The following RB1 variants were observed in gnomAD, a reference collection of about 807,000 sequenced individuals.
RB1 encodes retinoblastoma-associated protein.
RB1 carries 18 observed loss-of-function variants against 135.4 expected under a neutral mutation model. That is an observed-to-expected ratio of 0.13 (90% CI 0.09 to 0.20). RB1 has a LOEUF of 0.20. RB1 is among the 10% of genes least tolerant of loss of function. The pLI, the probability that RB1 is intolerant of heterozygous loss-of-function variation, is 1.00. For missense variants in RB1, 868 were observed against 1,110.0 expected (o/e 0.78, Z 3.10); for synonymous variants, 365 against 373.2 (o/e 0.98, Z 0.25).
chr13:48,411,433 G>A, intron 17 of RB1: 1 of 1,613,178 alleles, frequency 6.2e-7, no homozygotes, highest in South Asian at 1.1e-5. Context: ...TTTAAGGTCT[G>A]TAGGTTATGC....
intron 20 of RB1, among the ~76,000 whole-genome samples, chr13:48,462,184 C>A (rs1949410256): frequency 6.6e-6 from 1 of 151,560 alleles, no homozygotes; most frequent in African/African-American, 2.4e-5. Flanking sequence ...AGTGCAGTGA[C>A]ATGATCACAG....
At chr13:48,376,702 T>C (rs933314803) in intron 12 of RB1, among the ~76,000 whole-genome samples, 1 of 152,118 alleles carries the variant, frequency 6.6e-6, no homozygotes, top group African/African-American at 2.4e-5. Context: ...ATTTAGATAA[T>C]AGGGTTTTTT....
chr13:48,321,387 C>A (rs750442036), intron 2 of RB1, among the ~76,000 whole-genome samples: 1 of 146,258 alleles, frequency 6.8e-6, no homozygotes, highest in Non-Finnish European at 1.5e-5. Context: ...CGCCCGGGCC[C>A]CGCCTCCCCG....
chr13:48,446,975 G>C (rs1388988177), intron 17 of RB1, among the ~76,000 whole-genome samples: 1 of 152,160 alleles, frequency 6.6e-6, no homozygotes, highest in African/African-American at 2.4e-5. Context: ...AAGAGTAGAA[G>C]TATGGAAACC....
At position 48,307,909 on chromosome 13, in the gene RB1, C is replaced by T. The variant is rs1186353870; in HGVS notation, c.264+503C>T. Among the ~76,000 whole-genome samples, 2 of 150,700 alleles carry T rather than the reference C, an allele frequency of 1.3e-5. 1 individual carries two copies. Among genetic ancestry groups the T allele is most frequent in the Non-Finnish European group, 3.0e-5 (2 of 67,546 alleles). On this transcript the variant is annotated intron_variant, in intron 2 of 26. Coordinates refer to ENST00000267163, the MANE Select transcript of RB1 (RefSeq NM_000321.3). ...AAATTCCTCCATAAATGCCTCCCAC[C>T]AAACTATTTTAAAGCAGGTCTTAGT... is the stretch of plus-strand genomic sequence containing the variant.
chr13:48,398,879 A>G (rs1160325910), intron 17 of RB1, among the ~76,000 whole-genome samples: 2 of 152,234 alleles, frequency 1.3e-5, no homozygotes, highest in East Asian at 3.9e-4. Flanking sequence ...TGTTTTGCCT[A>G]GGAGCTAATA....
chr13:48,459,962 TCTTTCTC>T, intron 20 of RB1, 129 bp downstream of exon 20: 1 of 436,042 alleles, frequency 2.3e-6, no homozygotes, highest in Non-Finnish European at 3.8e-6. Flanking sequence ...TTTCTTTCTT[TCTTTCTC>T]TCTTTCTTTC....
intron 5 of RB1, 30 bp from the exon 6 acceptor site, chr13:48,348,926 T>G (rs1555283635): frequency 1.9e-6 from 3 of 1,590,194 alleles, no homozygotes; most frequent in Admixed American, 1.7e-5. Flanking sequence ...ATTTTTCCTG[T>G]TTTTTTTCTG....
At position 48,345,062 on chromosome 13, in the gene RB1, C is replaced by A. The variant is rs1265119999; in HGVS notation, c.381-18C>A. The A allele has an allele frequency of 1.2e-6, 2 of 1,603,120 alleles. No homozygotes were observed. Among genetic ancestry groups the A allele is most frequent in the Admixed American group, 1.7e-5 (1 of 58,946 alleles). ...TTTAAGGTTACTGATTTACTTTTTT[C>A]TATTCTTTCCTTTGTAGTGTCCATA... On this transcript the variant is annotated intron_variant, in intron 3 of 26. Transcript: ENST00000267163.
intron 26 of RB1, among the ~76,000 whole-genome samples, chr13:48,478,046 T>C (rs149880299): frequency 1.3e-3 from 202 of 152,286 alleles, no homozygotes; most frequent in African/African-American, 4.7e-3. Context: ...TAACTACTAT[T>C]GGGTTGTCTT....
At chr13:48,377,165 G>A (rs2138137173) in intron 13 of RB1, 131 bp downstream of exon 13, 1 of 951,034 alleles carries the variant, frequency 1.1e-6, no homozygotes, top group East Asian at 2.6e-5. Context: ...CTATATCCCT[G>A]CTGCCTGTGT....
rs555293635 is a variant in RB1 at position 48,424,884 on chromosome 13, C to T, written c.1696-28109C>T. 7.9e-5 allele frequency among the ~76,000 whole-genome samples: 12 copies of T among 152,082 alleles called. 1 individual carries two copies. In the South Asian group the frequency reaches 2.1e-3, roughly 26 times the overall value. On this transcript the variant is annotated intron_variant, in intron 17 of 26. Transcript: ENST00000267163. ...CCTGGCCAACATGGTGAAACTCTGT[C>T]TCTACTAAAAATACAAAATGTTATC...
intron 2 of RB1, among the ~76,000 whole-genome samples, chr13:48,310,067 G>T (rs940697301): frequency 1.3e-5 from 2 of 152,100 alleles, no homozygotes; most frequent in African/African-American, 2.4e-5. Context: ...TGCTTTTGAA[G>T]GGTATGATGG....
At chr13:48,342,760 G>C in intron 3 of RB1, 46 bp downstream of exon 3, 1 of 1,306,228 alleles carries the variant, frequency 7.7e-7, no homozygotes, top group South Asian at 1.2e-5. Context: ...AAAAGGAAAC[G>C]AATTCTGGAT....
At chr13:48,327,438 T>C (rs1361917218) in intron 2 of RB1, among the ~76,000 whole-genome samples, 1 of 152,158 alleles carries the variant, frequency 6.6e-6, no homozygotes, top group East Asian at 1.9e-4. Flanking sequence ...ACAAGACCCA[T>C]TAAGGTGAAG....
chr13:48,462,106 C>G (rs145769615), intron 20 of RB1, among the ~76,000 whole-genome samples: 1 of 152,032 alleles, frequency 6.6e-6, no homozygotes, highest in East Asian at 1.9e-4. Flanking sequence ...GCTGGGATTA[C>G]AGGCATGAGC....
At chr13:48,460,389 T>C (rs1949397466) in intron 20 of RB1, among the ~76,000 whole-genome samples, 1 of 152,222 alleles carries the variant, frequency 6.6e-6, no homozygotes, top group Non-Finnish European at 1.5e-5. Flanking sequence ...TTCTTACAAA[T>C]TAGAGCTTTA....
chr13:48,405,526 C>T (rs2138187426), intron 17 of RB1, among the ~76,000 whole-genome samples: 1 of 152,212 alleles, frequency 6.6e-6, no homozygotes, highest in South Asian at 2.1e-4. Context: ...GCCCACAGAC[C>T]ATAAATTTTG....
intron 17 of RB1, chr13:48,439,472 G>A (rs767983212): frequency 1.4e-4 from 21 of 152,064 alleles, no homozygotes; most frequent in Non-Finnish European, 2.6e-4. Flanking sequence ...GAAAGATTAC[G>A]GTTGTTAATC....
Sources: allele counts gnomAD v4.1 joint callset (sites outside exome capture counted in the v4.1 genomes callset), GRCh38; gene constraint gnomAD v4.1.1; transcripts MANE v1.5; gene names NCBI Gene and HGNC (gene_info 2026-07-23, HGNC 2026-07-21).